Variants in TF observed in about 807,000 individuals in gnomAD.
TF encodes serotransferrin.
In TF, 55 loss-of-function variants were observed where a neutral mutation model predicts 82.4. The ratio of observed to expected loss-of-function variants is 0.67; its 90% CI spans 0.54 to 0.84. The LOEUF (loss-of-function observed/expected upper bound fraction) is 0.84, where lower values mean the gene tolerates loss of function less well. Ranked by LOEUF, TF falls within the 40% of genes least tolerant of loss-of-function variation. TF has a pLI of 0.00. For missense variants in TF, 737 were observed against 868.4 expected, an observed-to-expected ratio of 0.85 and a Z score of 1.90; for synonymous variants, 332 against 332.6, an observed-to-expected ratio of 1.00 and a Z score of 0.02.
chr3:133,676,798 C>T, the TF span, among the ~76,000 whole-genome samples: 1 of 152,234 alleles, frequency 6.6e-6, no homozygotes, highest in Non-Finnish European at 1.5e-5. Flanking sequence ...GCTATTCTTC[C>T]TCTGTCTCTC....
At chr3:133,697,898 TAGG>T in the TF span, among the ~76,000 whole-genome samples, 1 of 152,204 alleles carries the variant, frequency 6.6e-6, no homozygotes, top group Non-Finnish European at 1.5e-5. Flanking sequence ...TGCAGGAGAA[TAGG>T]GATATAGGGT....
chr3:133,783,227 T>C lies in TF; in HGVS notation c.*4607T>C, dbSNP rs373070431. 1 of 152,222 alleles carries C rather than the reference T, an allele frequency of 6.6e-6. No homozygotes were observed. Among genetic ancestry groups the C allele is most frequent in the East Asian group, 1.9e-4 (1 of 5,202 alleles). 9.4% of individuals were successfully genotyped at this position (152,222 alleles called of 1,614,324 possible). On this transcript the variant is annotated 3_prime_UTR_variant, in exon 17 of 17. Transcript: ENST00000402696. Reference sequence around the variant, plus strand: ...GAAGCTTATTTTAAAAAATGAAATGTATAATGATGACTGGAAAGGGTGGTA... The same window carrying C: ...GAAGCTTATTTTAAAAAATGAAATGCATAATGATGACTGGAAAGGGTGGTA...
the TF span, chr3:133,699,699 T>G: frequency 2.3e-6 from 1 of 426,148 alleles, no homozygotes; most frequent in South Asian, 1.8e-5. Flanking sequence ...CTTCCTTGCC[T>G]TCTTGTCATT....
chr3:133,774,155 C>T (rs1421425742), intron 14 of TF: 1 of 152,072 alleles, frequency 6.6e-6, no homozygotes, highest in Non-Finnish European at 1.5e-5. Flanking sequence ...TTTTCCCCTC[C>T]AATAAGATTG....
chr3:133,670,147 C>A, the TF span, among the ~76,000 whole-genome samples: 1 of 152,196 alleles, frequency 6.6e-6, no homozygotes, highest in Non-Finnish European at 1.5e-5. Context: ...AGTTTGAATG[C>A]CAGCTTGGAC....
chr3:133,767,929 T>A, intron 12 of TF, 100 bp from the exon 13 acceptor site: 1 of 1,443,094 alleles, frequency 6.9e-7, no homozygotes, highest in African/African-American at 1.4e-5. Flanking sequence ...TTAATGAATA[T>A]GTTCTACTTA....
At chr3:133,715,055 C>T in the TF span, among the ~76,000 whole-genome samples, 2 of 152,158 alleles carry the variant, frequency 1.3e-5, no homozygotes, top group African/African-American at 2.4e-5. Flanking sequence ...CACCTTTCCC[C>T]GTGGTCTTTT....
At chr3:133,760,074 T>TG (rs1289873469) in intron 9 of TF, among the ~76,000 whole-genome samples, 6 of 152,076 alleles carry the variant, frequency 3.9e-5, no homozygotes, top group African/African-American at 1.4e-4. Flanking sequence ...CACATCGAGA[T>TG]GGGGGAGTAT....
the TF span, among the ~76,000 whole-genome samples, chr3:133,698,675 C>A: frequency 1.3e-5 from 2 of 152,220 alleles, no homozygotes; most frequent in Non-Finnish European, 2.9e-5. Flanking sequence ...TAGGGGTCCA[C>A]CCTATCCCAG....
At chr3:133,722,763 C>T in the TF span, among the ~76,000 whole-genome samples, 1 of 152,120 alleles carries the variant, frequency 6.6e-6, no homozygotes, top group South Asian at 2.1e-4. Flanking sequence ...TGTTTTTTAA[C>T]CATTTAACTT....
the TF span, among the ~76,000 whole-genome samples, chr3:133,735,494 T>A: frequency 6.6e-6 from 1 of 151,876 alleles, no homozygotes; most frequent in African/African-American, 2.4e-5. Context: ...AGGTGGGTAA[T>A]AACAAACCCC....
chr3:133,694,000 G>A, the TF span, among the ~76,000 whole-genome samples: 35 of 152,160 alleles, frequency 2.3e-4, no homozygotes, highest in Admixed American at 2.3e-3. Context: ...TAAACCCGCA[G>A]GGACCCTGGG....
At chr3:133,700,705 G>A in the TF span, among the ~76,000 whole-genome samples, 1 of 152,252 alleles carries the variant, frequency 6.6e-6, no homozygotes, top group Non-Finnish European at 1.5e-5. Flanking sequence ...GACAAGCTGG[G>A]ATCTGAGGAG....
chr3:133,752,290 G>A (rs1036540040), intron 2 of TF, among the ~76,000 whole-genome samples: 2 of 151,916 alleles, frequency 1.3e-5, no homozygotes, highest in Non-Finnish European at 2.9e-5. Flanking sequence ...TAGAGACAGT[G>A]TTTCACCATA....
the TF span, among the ~76,000 whole-genome samples, chr3:133,703,832 G>A: frequency 5.9e-5 from 9 of 152,192 alleles, no homozygotes; most frequent in Non-Finnish European, 1.3e-4. Context: ...GTGGGATTAT[G>A]GGAACAGATT....
chr3:133,771,743 CAAAAAAAAAA>C (rs71136494), intron 14 of TF, among the ~76,000 whole-genome samples: 1 of 56,564 alleles, frequency 1.8e-5, no homozygotes, highest in South Asian at 6.1e-4. Context: ...GACTCCGTCT[CAAAAAAAAAA>C]AAAAAAAAAA....
chr3:133,755,646 G>T (rs1252310969), intron 5 of TF, 151 bp downstream of exon 5: 1 of 1,069,844 alleles, frequency 9.3e-7, no homozygotes, highest in East Asian at 2.6e-5. Flanking sequence ...CACAACCTGG[G>T]ACTCCTAGGC....
the TF span, among the ~76,000 whole-genome samples, chr3:133,669,597 C>T: frequency 6.6e-6 from 1 of 152,192 alleles, no homozygotes; most frequent in Non-Finnish European, 1.5e-5. Context: ...GCACTACCTT[C>T]CACGCTCTTC....
At chr3:133,764,086 T>C in intron 9 of TF, 96 bp from the exon 10 acceptor site, 1 of 1,009,986 alleles carries the variant, frequency 9.9e-7, no homozygotes, top group South Asian at 1.3e-5. Flanking sequence ...CTGGCATTCA[T>C]GTGCTGGAAA....
Sources: allele counts gnomAD v4.1 joint callset (sites outside exome capture counted in the v4.1 genomes callset), GRCh38; gene constraint gnomAD v4.1.1; transcripts MANE v1.5; gene names NCBI Gene and HGNC (gene_info 2026-07-23, HGNC 2026-07-21).